DOCK3: variants seen among roughly 807,000 people sequenced by gnomAD.
DOCK3 encodes the protein dedicator of cytokinesis protein 3.
In DOCK3, 60 loss-of-function variants were observed where a neutral mutation model predicts 265.6. The observed-to-expected ratio is 0.23, with a 90% CI of 0.18 to 0.28. DOCK3 has a LOEUF of 0.28. Among genes scored for constraint, DOCK3 ranks in the 10% least tolerant of loss-of-function variants. The pLI is 1.00. For missense variants in DOCK3, 1,981 were observed against 2,594.3 expected (o/e 0.76, Z 5.14); for synonymous variants, 881 against 938.0 (o/e 0.94, Z 1.11).
At chr3:51,200,663 TAGAC>T (rs956129671) in intron 12 of DOCK3, among the ~76,000 whole-genome samples, 3 of 151,464 alleles carry the variant, frequency 2.0e-5, no homozygotes, top group African/African-American at 4.9e-5. Context: ...GTTCAGGAAA[TAGAC>T]AGAGAACGCC....
At chr3:51,078,016 C>T (rs1296876286) in intron 7 of DOCK3, among the ~76,000 whole-genome samples, 1 of 150,442 alleles carries the variant, frequency 6.6e-6, no homozygotes, top group African/African-American at 2.4e-5. Context: ...GCCCGGACCT[C>T]ACAATTTTGC....
At chr3:50,751,014 A>C (rs932235574) in intron 1 of DOCK3, among the ~76,000 whole-genome samples, 2 of 152,222 alleles carry the variant, frequency 1.3e-5, no homozygotes, top group East Asian at 1.9e-4. Context: ...TAATGTAATA[A>C]AATTTTAAGA....
chr3:51,174,215 G>A (rs567999942), intron 12 of DOCK3, among the ~76,000 whole-genome samples: 148 of 152,260 alleles, frequency 9.7e-4, no homozygotes, highest in Non-Finnish European at 1.8e-3. Flanking sequence ...AGCACTTTGG[G>A]AGGCTGAGGT....
intron 9 of DOCK3, among the ~76,000 whole-genome samples, chr3:51,100,872 G>A (rs956513955): frequency 1.3e-5 from 2 of 150,486 alleles, no homozygotes; most frequent in African/African-American, 4.9e-5. Flanking sequence ...ATGGCTCACT[G>A]CAGCCTCAGT....
At chr3:51,294,475 G>A (rs1054739983) in intron 27 of DOCK3, among the ~76,000 whole-genome samples, 2 of 152,010 alleles carry the variant, frequency 1.3e-5, no homozygotes, top group Admixed American at 6.6e-5. Flanking sequence ...TCAGGAGATC[G>A]AGACCATCCT....
At chr3:51,144,575 C>G (rs1169563745) in intron 9 of DOCK3, among the ~76,000 whole-genome samples, 1 of 152,144 alleles carries the variant, frequency 6.6e-6, no homozygotes, top group African/African-American at 2.4e-5. Context: ...GACCAAAGCC[C>G]CTTTTCTCTT....
At chr3:51,208,752 A>G in intron 12 of DOCK3, 22 bp from the exon 13 acceptor site, 1 of 1,585,342 alleles carries the variant, frequency 6.3e-7, no homozygotes, top group Non-Finnish European at 8.6e-7. Context: ...TGAGTACCAT[A>G]ACACCTGTCC....
chr3:51,297,008 C>G (rs2082117062), intron 27 of DOCK3, among the ~76,000 whole-genome samples: 1 of 150,082 alleles, frequency 6.7e-6, no homozygotes, highest in Non-Finnish European at 1.5e-5. Flanking sequence ...ATCCCAGCTA[C>G]TCAGGAGGCT....
chr3:50,811,432 G>A (rs576997974), intron 2 of DOCK3, among the ~76,000 whole-genome samples: 3 of 151,694 alleles, frequency 2.0e-5, no homozygotes, highest in African/African-American at 7.3e-5. Flanking sequence ...AAGGAGGGAG[G>A]GAGAGAATAA....
chr3:51,158,384 A>C (rs923949839), intron 10 of DOCK3, among the ~76,000 whole-genome samples: 2 of 152,112 alleles, frequency 1.3e-5, no homozygotes, highest in African/African-American at 2.4e-5. Context: ...CATCTCTACA[A>C]ATAATTTTAA....
intron 14 of DOCK3, among the ~76,000 whole-genome samples, chr3:51,218,812 G>A (rs1176441423): frequency 6.6e-6 from 1 of 152,082 alleles, no homozygotes; most frequent in African/African-American, 2.4e-5. Flanking sequence ...GTGTGCCTCA[G>A]AATCACCTGC....
chr3:51,208,253 G>T (rs1195710589), intron 12 of DOCK3, among the ~76,000 whole-genome samples: 1 of 152,192 alleles, frequency 6.6e-6, no homozygotes, highest in African/African-American at 2.4e-5. Context: ...GCTCTCACAA[G>T]CTTTTCTTAA....
intron 1 of DOCK3, among the ~76,000 whole-genome samples, chr3:50,679,174 A>G (rs746323161): frequency 2.0e-5 from 3 of 151,972 alleles, no homozygotes; most frequent in Non-Finnish European, 4.4e-5. Context: ...TGGTCTTGCT[A>G]TGTTGCCCAG....
intron 32 of DOCK3, among the ~76,000 whole-genome samples, chr3:51,324,420 G>A (rs186188701): frequency 1.2e-4 from 18 of 152,310 alleles, no homozygotes; most frequent in Admixed American, 9.8e-4. Flanking sequence ...GGAAATAAGA[G>A]AGGATACAAA....
chr3:50,848,049 G>A (rs114677784), intron 3 of DOCK3, among the ~76,000 whole-genome samples: 2 of 67,736 alleles, frequency 3.0e-5, no homozygotes, highest in Non-Finnish European at 5.7e-5. Flanking sequence ...ATTATATCAC[G>A]CTCTTCTTTG....
At position 51,228,836 on chromosome 3, in the gene DOCK3, G is replaced by A; in HGVS notation, c.1819+4G>A. 3.1e-6 allele frequency: 5 copies of A among 1,613,490 alleles called. No individual in the cohort carries two copies. The highest frequency in any genetic ancestry group is 4.2e-6 in the Non-Finnish European group (5 of 1,179,632). On this transcript the variant is annotated splice_donor_region_variant and intron_variant, in intron 18 of 52. Coordinates refer to ENST00000266037, the MANE Select transcript of DOCK3 (RefSeq NM_004947.5). ...TCTACCAAACTCACCCAGAATGGTA[G>A]GTGATAATGCCTGCAGGGTGGTGCC...
chr3:51,039,206 G>A (rs910045181), intron 5 of DOCK3, among the ~76,000 whole-genome samples: 3 of 152,058 alleles, frequency 2.0e-5, no homozygotes, highest in African/African-American at 7.2e-5. Context: ...ATGTTGGCCA[G>A]GCTGGTCTCA....
At chr3:51,291,476 T>C (rs550412642) in intron 27 of DOCK3, among the ~76,000 whole-genome samples, 1 of 152,270 alleles carries the variant, frequency 6.6e-6, no homozygotes, top group African/African-American at 2.4e-5. Context: ...AATAATTATA[T>C]GCCGGCAGAT....
In DOCK3 at chr3:51,101,404, G is replaced by C. The variant is rs551189736; in HGVS notation, c.746+11020G>C. Among the ~76,000 whole-genome samples the C allele has an allele frequency of 3.3e-5, 5 of 152,312 alleles. No homozygotes were observed. In the South Asian group the frequency reaches 1.0e-3, roughly 32 times the overall value. ...CAAAGTTCTGGGATTACAGGCGTGA[G>C]CCACCGCGCCCGGCCTCGGCTTAGT... On this transcript the variant is annotated intron_variant, in intron 9 of 52. Coordinates refer to ENST00000266037, the MANE Select transcript of DOCK3 (RefSeq NM_004947.5).
Sources: gnomAD v4.1 joint callset for allele counts (sites outside exome capture counted in the v4.1 genomes callset) on GRCh38, gnomAD v4.1.1 for gene constraint, MANE v1.5 for transcripts, NCBI Gene and HGNC (gene_info 2026-07-23, HGNC 2026-07-21) for gene names.